The following SINHCAF variants were observed in gnomAD, a reference collection of about 807,000 sequenced individuals.
SINHCAF encodes SIN3-HDAC complex-associated factor.
SINHCAF carries 3 observed loss-of-function variants against 25.8 expected under a neutral mutation model. The ratio of observed to expected loss-of-function variants is 0.12; its 90% confidence interval spans 0.05 to 0.30. The LOEUF is 0.30. SINHCAF is among the 10% of genes least tolerant of loss of function. SINHCAF has a pLI of 1.00. For missense variants in SINHCAF, 121 were observed against 262.3 expected (o/e 0.46, Z 3.72); for synonymous variants, 70 against 85.5 (o/e 0.82, Z 1.00).
intron 1 of SINHCAF, chr12:31,305,200 T>C (rs1192413737): frequency 6.6e-6 from 1 of 152,170 alleles, no homozygotes; most frequent in Non-Finnish European, 1.5e-5. Flanking sequence ...CAACGATACC[T>C]GGTAAGGGCC....
At chr12:31,317,159 CGTG>C (rs1939526222) in intron 1 of SINHCAF, among the ~76,000 whole-genome samples, 1 of 152,130 alleles carries the variant, frequency 6.6e-6, no homozygotes, top group African/African-American at 2.4e-5. Context: ...AATAGTCAAA[CGTG>C]GTAAATAACA....
chr12:31,303,517 T>G (rs572903457), intron 1 of SINHCAF: 2 of 152,336 alleles, frequency 1.3e-5, no homozygotes, highest in South Asian at 4.1e-4. Context: ...TTTCACTGCA[T>G]TGCCCACACT....
At chr12:31,308,249 T>G (rs1406186493) in intron 1 of SINHCAF, among the ~76,000 whole-genome samples, 2 of 152,182 alleles carry the variant, frequency 1.3e-5, no homozygotes, top group Non-Finnish European at 2.9e-5. Context: ...CTACTAATCT[T>G]TCTTTAATTT....
intron 4 of SINHCAF, 59 bp downstream of exon 4, chr12:31,293,745 AC>A: frequency 6.9e-7 from 1 of 1,454,038 alleles, no homozygotes. Context: ...GCCATACACC[AC>A]CCCCAGCCAA....
In SINHCAF at chr12:31,282,627, A is replaced by G. The variant is rs1937850207; in HGVS notation, c.*85T>C. The G allele has an allele frequency of 7.8e-7, 1 of 1,275,366 alleles. No individual in the cohort carries two copies. The highest frequency in any genetic ancestry group is 1.5e-5 in the African/African-American group (1 of 64,926). 79.0% of individuals were successfully genotyped at this position (1,275,366 alleles called of 1,614,324 possible). ...ACAAGAGCAAAACTCCGTCTCAAAA[A>G]AAAAAGAGGGTCAGTTTGTAGCTTT... On this transcript the variant is annotated 3_prime_UTR_variant, in exon 6 of 6. Transcript: ENST00000337682.
intron 5 of SINHCAF, among the ~76,000 whole-genome samples, chr12:31,283,525 C>T (rs988855230): frequency 2.6e-5 from 4 of 151,978 alleles, no homozygotes; most frequent in African/African-American, 9.7e-5. Flanking sequence ...ATCACTTGAA[C>T]CCAGGAAGTG....
chr12:31,289,983 C>T (rs1411826223), intron 4 of SINHCAF, among the ~76,000 whole-genome samples: 2 of 151,940 alleles, frequency 1.3e-5, no homozygotes, highest in Non-Finnish European at 2.9e-5. Flanking sequence ...CACCACCACA[C>T]TCGGCTGGTT....
chr12:31,299,163 CCAGCTCACCAAAA>C (rs1938673659), intron 1 of SINHCAF, among the ~76,000 whole-genome samples: 1 of 152,012 alleles, frequency 6.6e-6, no homozygotes, highest in Non-Finnish European at 1.5e-5. Flanking sequence ...AAATCAAGGG[CCAGCTCACCAAAA>C]CAACCGGACT....
At chr12:31,314,968 T>C (rs1048876351) in intron 1 of SINHCAF, among the ~76,000 whole-genome samples, 2 of 152,208 alleles carry the variant, frequency 1.3e-5, no homozygotes, top group African/African-American at 4.8e-5. Flanking sequence ...ATTTAGAGGA[T>C]TTGTTCTCCA....
chr12:31,321,551 G>A (rs1012247711), intron 1 of SINHCAF, among the ~76,000 whole-genome samples: 4 of 152,130 alleles, frequency 2.6e-5, no homozygotes, highest in Admixed American at 2.6e-4. Context: ...TCATGTCACT[G>A]GCTTAATTAC....
At chr12:31,312,952 G>A (rs569890736) in intron 1 of SINHCAF, among the ~76,000 whole-genome samples, 6 of 152,260 alleles carry the variant, frequency 3.9e-5, no homozygotes, top group African/African-American at 1.4e-4. Flanking sequence ...TAAAGGTAAG[G>A]GTCAAAGATT....
chr12:31,307,558 AAG>A (rs143612587), intron 1 of SINHCAF, among the ~76,000 whole-genome samples: 3,051 of 150,280 alleles, frequency 0.02, 66 homozygotes, highest in African/African-American at 0.053. Flanking sequence ...CTGTCTAAAA[AAG>A]AGAGAGAGAG....
chr12:31,310,718 A>G (rs943673328), intron 1 of SINHCAF, among the ~76,000 whole-genome samples: 2 of 152,196 alleles, frequency 1.3e-5, no homozygotes, highest in African/African-American at 2.4e-5. Flanking sequence ...ATTGTTTGGG[A>G]AATTTTAATA....
chr12:31,307,266 C>G (rs988574171), intron 1 of SINHCAF, among the ~76,000 whole-genome samples: 1 of 152,190 alleles, frequency 6.6e-6, no homozygotes, highest in Non-Finnish European at 1.5e-5. Flanking sequence ...CAAATACTAA[C>G]TACCTGGATG....
chr12:31,317,250 T>C (rs1442199158), intron 1 of SINHCAF, among the ~76,000 whole-genome samples: 1 of 152,120 alleles, frequency 6.6e-6, no homozygotes, highest in Non-Finnish European at 1.5e-5. Flanking sequence ...ACCTCCCAAA[T>C]GAAACTATCC....
intron 1 of SINHCAF, among the ~76,000 whole-genome samples, chr12:31,307,559 A>AG (rs1491323158): frequency 2.1e-5 from 3 of 141,034 alleles, no homozygotes; most frequent in Admixed American, 2.0e-4. Flanking sequence ...TGTCTAAAAA[A>AG]GAGAGAGAGA....
At chr12:31,298,325 T>G (rs761396306) in intron 1 of SINHCAF, 101 bp from the exon 2 acceptor site, 96 of 1,405,262 alleles carry the variant, frequency 6.8e-5, no homozygotes, top group Non-Finnish European at 9.1e-5. Context: ...AACTTGGTGT[T>G]ATATGACCAA....
At chr12:31,286,169 T>C (rs1386750936) in intron 5 of SINHCAF, among the ~76,000 whole-genome samples, 2 of 152,182 alleles carry the variant, frequency 1.3e-5, no homozygotes, top group Non-Finnish European at 2.9e-5. Flanking sequence ...TTCCTGATCA[T>C]AGAGAAAATG....
Position 31,324,942 on chromosome 12 carries a change from T to C in SINHCAF, c.-21+1082A>G, listed in dbSNP as rs551644199. ...AAGACGCCATCATCAGCAAACCACA[T>C]TGTCCTGCCGGCCGGACCTGCCCGA... On this transcript the variant is annotated intron_variant, in intron 1 of 5. Transcript: ENST00000337682. This position sits in a 1 kb window ranked among gnomAD's most constrained non-coding sequence, Gnocchi z 5.5. 9.2e-4 allele frequency: 422 copies of C among 456,290 alleles called. 6 individuals are homozygous for C. Among genetic ancestry groups the C allele is most frequent in the South Asian group, 6.4e-3 (414 of 64,526 alleles). 28.3% of individuals were successfully genotyped at this position (456,290 alleles called of 1,614,324 possible).
Sources: gnomAD v4.1 joint callset for allele counts (sites outside exome capture counted in the v4.1 genomes callset) on GRCh38, gnomAD v4.1.1 for gene constraint, Gnocchi (gnomAD v3.1) non-coding constraint, MANE v1.5 for transcripts, NCBI Gene and HGNC (gene_info 2026-07-23, HGNC 2026-07-21) for gene names.